TMEM232: variants seen among roughly 807,000 people sequenced by gnomAD.
The protein encoded by TMEM232 is transmembrane protein 232.
TMEM232 carries 80 observed loss-of-function variants against 78.8 expected under a neutral mutation model. The ratio of observed to expected loss-of-function variants is 1.01; its 90% confidence interval spans 0.85 to 1.22. The LOEUF (loss-of-function observed/expected upper bound fraction) is 1.22. Ranked by LOEUF, TMEM232 falls within the 50% of genes most tolerant of loss-of-function variation. The pLI is 0.00. For missense variants in TMEM232, 881 were observed against 742.2 expected (o/e 1.19, Z -2.17); for synonymous variants, 297 against 254.3 (o/e 1.17, Z -1.60).
intron 12 of TMEM232, among the ~76,000 whole-genome samples, chr5:110,484,039 C>A (rs1177103790): frequency 6.6e-6 from 1 of 152,144 alleles, no homozygotes; most frequent in East Asian, 1.9e-4. Flanking sequence ...GGCCATCATT[C>A]TAAGTGAATT....
intron 2 of TMEM232, among the ~76,000 whole-genome samples, chr5:110,652,049 A>G (rs1019882658): frequency 1.3e-5 from 2 of 152,164 alleles, no homozygotes; most frequent in African/African-American, 4.8e-5. Flanking sequence ...AAGAAATAGG[A>G]GGCTGACAGA....
intron 12 of TMEM232, among the ~76,000 whole-genome samples, chr5:110,521,493 C>G (rs558924346): frequency 1.4e-4 from 22 of 152,078 alleles, no homozygotes; most frequent in Non-Finnish European, 3.1e-4. Context: ...TTTTGTCACC[C>G]GGAGTTTTGG....
chr5:110,393,173 G>T (rs1359411999), intron 3 of TMEM232, among the ~76,000 whole-genome samples: 1 of 152,204 alleles, frequency 6.6e-6, no homozygotes, highest in Non-Finnish European at 1.5e-5. Context: ...TCAATTAGGT[G>T]AAGTTAGTTG....
intron 11 of TMEM232, 23 bp from the exon 12 acceptor site, chr5:110,528,858 A>T: frequency 7.2e-7 from 1 of 1,398,370 alleles, no homozygotes; most frequent in African/African-American, 1.4e-5. Flanking sequence ...AAGAGAAAGG[A>T]ATCAGTTGAA....
At chr5:110,665,891 C>CAAAAAAAAA (rs775392111) in intron 2 of TMEM232, among the ~76,000 whole-genome samples, 2 of 63,792 alleles carry the variant, frequency 3.1e-5, no homozygotes, top group Non-Finnish European at 7.2e-5. Context: ...CCCATCTCCA[C>CAAAAAAAAA]AAAAAAAAAA....
At chr5:110,402,070 A>C (rs973602885) in intron 2 of TMEM232, among the ~76,000 whole-genome samples, 1 of 152,090 alleles carries the variant, frequency 6.6e-6, no homozygotes, top group Non-Finnish European at 1.5e-5. Flanking sequence ...GAAAGGAGAA[A>C]CCAAAGAGGC....
At chr5:110,465,097 A>C (rs1761933896) in intron 12 of TMEM232, among the ~76,000 whole-genome samples, 1 of 152,220 alleles carries the variant, frequency 6.6e-6, no homozygotes, top group African/African-American at 2.4e-5. Flanking sequence ...AATGATCTTC[A>C]ATGTAGGTGT....
At chr5:110,417,861 T>C (rs1248554253), downstream of TMEM232, 2 of 152,078 alleles carry the variant, frequency 1.3e-5, no homozygotes, top group Non-Finnish European at 2.9e-5. Flanking sequence ...GGGAAGAAAA[T>C]ACCTGATTCT....
chr5:110,678,939 G>C (rs1268612940), intron 1 of TMEM232, among the ~76,000 whole-genome samples: 1 of 152,086 alleles, frequency 6.6e-6, no homozygotes, highest in Non-Finnish European at 1.5e-5. Context: ...GGACATCTTA[G>C]TTGCTTTCAA....
intron 12 of TMEM232, 70 bp from the exon 13 acceptor site, chr5:110,424,986 A>G (rs1757082529): frequency 1.9e-6 from 2 of 1,060,674 alleles, no homozygotes. Flanking sequence ...ATAGAATTGT[A>G]ACTAAGCCAT....
At chr5:110,631,885 T>C (rs1279250986) in intron 5 of TMEM232, among the ~76,000 whole-genome samples, 2 of 151,958 alleles carry the variant, frequency 1.3e-5, no homozygotes, top group South Asian at 2.1e-4. Context: ...CTCACCTGCC[T>C]GGTCCACCAC....
intron 11 of TMEM232, among the ~76,000 whole-genome samples, chr5:110,530,419 G>T (rs1434176634): frequency 6.6e-6 from 1 of 152,142 alleles, no homozygotes; most frequent in Non-Finnish European, 1.5e-5. Context: ...AGAGAGAGCT[G>T]CCCTGCCATG....
intron 5 of TMEM232, among the ~76,000 whole-genome samples, chr5:110,634,488 C>T (rs1467566374): frequency 6.6e-6 from 1 of 151,952 alleles, no homozygotes; most frequent in Admixed American, 6.6e-5. Context: ...CAAAATCACA[C>T]CAAGTATCTT....
chr5:110,709,646 G>A (rs1349851433), intron 1 of TMEM232, among the ~76,000 whole-genome samples: 1 of 152,060 alleles, frequency 6.6e-6, no homozygotes, highest in Non-Finnish European at 1.5e-5. Flanking sequence ...GTGGGTCAAT[G>A]AAGAAATTAA....
intron 1 of TMEM232, among the ~76,000 whole-genome samples, chr5:110,681,376 T>C (rs1438519420): frequency 6.6e-6 from 1 of 152,148 alleles, no homozygotes; most frequent in African/African-American, 2.4e-5. Context: ...GTACTTGGCT[T>C]CTGGATCCCT....
intron 6 of TMEM232, among the ~76,000 whole-genome samples, chr5:110,626,960 C>T (rs1405201136): frequency 2.6e-5 from 4 of 151,988 alleles, no homozygotes; most frequent in Admixed American, 6.6e-5. Context: ...ATTAGTTTCT[C>T]CCTGCCCCTC....
chr5:110,581,919 C>T (rs1350629185), intron 10 of TMEM232, among the ~76,000 whole-genome samples: 3 of 151,936 alleles, frequency 2.0e-5, no homozygotes, highest in Non-Finnish European at 4.4e-5. Flanking sequence ...TCCAACATCT[C>T]TAGTCATTAG....
chr5:110,736,221 T>C (rs1332541058), intron 1 of TMEM232, among the ~76,000 whole-genome samples: 2 of 152,206 alleles, frequency 1.3e-5, no homozygotes, highest in Admixed American at 6.5e-5. Flanking sequence ...TTTAGAAATA[T>C]TTTGGAGAAA....
At chr5:110,398,347 A>G (rs903447848) in intron 2 of TMEM232, among the ~76,000 whole-genome samples, 6 of 152,208 alleles carry the variant, frequency 3.9e-5, no homozygotes, top group African/African-American at 1.4e-4. Context: ...TCATTTGGGT[A>G]GACTGAATAA....
Sources: allele counts gnomAD v4.1 joint callset (sites outside exome capture counted in the v4.1 genomes callset), GRCh38; gene constraint gnomAD v4.1.1; transcripts MANE v1.5; gene names NCBI Gene and HGNC (gene_info 2026-07-23, HGNC 2026-07-21).